Variants in APBA1 observed in about 807,000 individuals in gnomAD.
The protein encoded by APBA1 is amyloid beta precursor protein binding family A member 1, also known as amyloid-beta A4 precursor protein-binding family A member 1.
Under a neutral mutation model 86.6 loss-of-function variants are expected in APBA1, and 55 were observed. The ratio of observed to expected loss-of-function variants is 0.64; its 90% CI spans 0.51 to 0.80. APBA1 has a LOEUF of 0.80. Among genes scored for constraint, APBA1 ranks in the 30% least tolerant of loss-of-function variants. The pLI is 0.00. For missense variants in APBA1, 1,090 were observed against 1,183.0 expected, an observed-to-expected ratio of 0.92 and a Z score of 1.15; for synonymous variants, 511 against 493.9, an observed-to-expected ratio of 1.03 and a Z score of -0.46.
intron 3 of APBA1, among the ~76,000 whole-genome samples, chr9:69,474,803 T>C (rs927415198): frequency 6.6e-6 from 1 of 152,236 alleles, no homozygotes; most frequent in African/African-American, 2.4e-5. Context: ...AAATATTTAA[T>C]GGCAAATATA....
chr9:69,523,822 G>A (rs1836301707), intron 1 of APBA1, among the ~76,000 whole-genome samples: 2 of 151,770 alleles, frequency 1.3e-5, no homozygotes, highest in Non-Finnish European at 2.9e-5. Context: ...TCAAACACAT[G>A]CTTGGCCATA....
chr9:69,456,938 C>G, intron 7 of APBA1, 115 bp downstream of exon 7: 1 of 867,156 alleles, frequency 1.2e-6, no homozygotes, highest in Non-Finnish European at 1.8e-6. Context: ...CTCACTGGGG[C>G]CCAGAATCTA....
At chr9:69,437,041 G>A (rs138181729) in intron 11 of APBA1, among the ~76,000 whole-genome samples, 6 of 151,384 alleles carry the variant, frequency 4.0e-5, no homozygotes, top group Non-Finnish European at 8.9e-5. Context: ...TAATCATATG[G>A]TTTTTGTCTT....
intron 1 of APBA1, among the ~76,000 whole-genome samples, chr9:69,620,307 G>C (rs906267739): frequency 1.3e-5 from 2 of 152,184 alleles, no homozygotes; most frequent in African/African-American, 4.8e-5. Context: ...AGGATATAAG[G>C]TACACACTAA....
chr9:69,481,673 A>G (rs1485390532), intron 2 of APBA1, among the ~76,000 whole-genome samples: 7 of 151,012 alleles, frequency 4.6e-5, no homozygotes, highest in Non-Finnish European at 1.0e-4. Context: ...GGCAATCCTA[A>G]GCCAAAAGAA....
chr9:69,555,872 T>C (rs1836853221), intron 1 of APBA1, among the ~76,000 whole-genome samples: 2 of 152,212 alleles, frequency 1.3e-5, no homozygotes, highest in African/African-American at 2.4e-5. Flanking sequence ...CTTAGTGTTA[T>C]TCATAAGAAT....
Position 69,591,100 on chromosome 9 carries a change from C to T in APBA1, c.-69-73821G>A, listed in dbSNP as rs115166061. On this transcript the variant is annotated intron_variant, in intron 1 of 12. Transcript: ENST00000265381. Reference sequence around the variant, plus strand: ...CTTCCCTCCTGAAGCAGAGGCAAGGCAGCCGAGGGAGGAGAGAGGCACTGC... The same window carrying T: ...CTTCCCTCCTGAAGCAGAGGCAAGGTAGCCGAGGGAGGAGAGAGGCACTGC... 7.9e-3 allele frequency among the ~76,000 whole-genome samples: 1,205 copies of T among 152,284 alleles called. 14 individuals are homozygous for T. Among genetic ancestry groups the T allele is most frequent in the African/African-American group, 0.027 (1,138 of 41,560 alleles).
At chr9:69,511,973 AG>A (rs1443897084) in intron 2 of APBA1, among the ~76,000 whole-genome samples, 3 of 151,926 alleles carry the variant, frequency 2.0e-5, no homozygotes, top group African/African-American at 7.2e-5. Flanking sequence ...ACCTAATGCT[AG>A]ATGACGAGTT....
intron 1 of APBA1, among the ~76,000 whole-genome samples, chr9:69,649,225 G>A: frequency 6.6e-6 from 1 of 151,890 alleles, no homozygotes; most frequent in Middle Eastern, 3.2e-3. Context: ...CTTCTCTTTT[G>A]CCCCTTTTCC....
chr9:69,457,528 T>G (rs1040376464), intron 6 of APBA1, among the ~76,000 whole-genome samples: 1 of 152,172 alleles, frequency 6.6e-6, no homozygotes. Context: ...AATTTGCCTC[T>G]GCTTGAGCTG....
At chr9:69,587,751 G>C (rs767908210) in intron 1 of APBA1, among the ~76,000 whole-genome samples, 1 of 152,126 alleles carries the variant, frequency 6.6e-6, no homozygotes, top group East Asian at 1.9e-4. Context: ...TTGGCCCGGC[G>C]TGGTGGCTCA....
chr9:69,669,922 C>T (rs1238560336), intron 1 of APBA1, among the ~76,000 whole-genome samples: 2 of 152,202 alleles, frequency 1.3e-5, no homozygotes, highest in Non-Finnish European at 2.9e-5. Context: ...TCTTGTGAGA[C>T]ATTTACATCC....
intron 1 of APBA1, among the ~76,000 whole-genome samples, chr9:69,574,955 C>T (rs144516558): frequency 1.3e-5 from 2 of 152,210 alleles, no homozygotes; most frequent in East Asian, 3.9e-4. Context: ...CATTCTGTCG[C>T]CTAGGCTGGA....
chr9:69,562,852 A>G (rs1836968752), intron 1 of APBA1, among the ~76,000 whole-genome samples: 1 of 152,228 alleles, frequency 6.6e-6, no homozygotes, highest in African/African-American at 2.4e-5. Context: ...TAAAATATTG[A>G]TTTAAAAATA....
chr9:69,569,373 G>T (rs1158292802), intron 1 of APBA1, among the ~76,000 whole-genome samples: 1 of 152,080 alleles, frequency 6.6e-6, no homozygotes, highest in Non-Finnish European at 1.5e-5. Context: ...ACATTCTAGT[G>T]TACAGGAGGG....
chr9:69,560,743 C>T (rs1013414695), intron 1 of APBA1, among the ~76,000 whole-genome samples: 1 of 152,268 alleles, frequency 6.6e-6, no homozygotes. Flanking sequence ...AACAGTTGAG[C>T]ATCCCTAATC....
chr9:69,481,566 A>G (rs1379281668), intron 2 of APBA1, among the ~76,000 whole-genome samples: 49 of 151,486 alleles, frequency 3.2e-4, no homozygotes, highest in African/African-American at 1.2e-3. Context: ...TACAGATTCA[A>G]TGCCATCCCC....
intron 1 of APBA1, among the ~76,000 whole-genome samples, chr9:69,549,884 C>T (rs1023205703): frequency 6.6e-6 from 1 of 152,136 alleles, no homozygotes; most frequent in African/African-American, 2.4e-5. Flanking sequence ...AAAATTGGAA[C>T]TGAGTTTTCC....
At chr9:69,591,134 C>T (rs1822120726) in intron 1 of APBA1, among the ~76,000 whole-genome samples, 1 of 152,178 alleles carries the variant, frequency 6.6e-6, no homozygotes, top group African/African-American at 2.4e-5. Flanking sequence ...GCCTATGAGG[C>T]CCCATTTTTC....
Sources: gnomAD v4.1 joint callset for allele counts (sites outside exome capture counted in the v4.1 genomes callset) on GRCh38, gnomAD v4.1.1 for gene constraint, MANE v1.5 for transcripts, NCBI Gene and HGNC (gene_info 2026-07-23, HGNC 2026-07-21) for gene names.